Variants in CDKAL1 observed in about 807,000 individuals in gnomAD.
CDKAL1 encodes the protein CDKAL1 threonylcarbamoyladenosine tRNA methylthiotransferase.
A neutral mutation model predicts 68.2 loss-of-function variants in CDKAL1; 32 were observed. That is an observed-to-expected ratio of 0.47 (90% CI 0.35 to 0.63). The LOEUF (loss-of-function observed/expected upper bound fraction) is 0.63, where lower values mean the gene tolerates loss of function less well. Among genes scored for constraint, CDKAL1 ranks in the 30% least tolerant of loss-of-function variants. The probability of loss-of-function intolerance (pLI) is 0.00; values close to 1 mark genes in which losing one functional copy is unlikely to be tolerated. For missense variants in CDKAL1, 606 were observed against 696.7 expected (o/e 0.87, Z 1.47); for synonymous variants, 234 against 244.3 (o/e 0.96, Z 0.39).
At chr6:21,033,576 G>A (rs1273744125) in intron 11 of CDKAL1, among the ~76,000 whole-genome samples, 1 of 152,128 alleles carries the variant, frequency 6.6e-6, no homozygotes, top group East Asian at 1.9e-4. Context: ...ATATGGAATA[G>A]TTTCCAAATC....
At chr6:20,672,176 TTC>T (rs1366345221) in intron 5 of CDKAL1, among the ~76,000 whole-genome samples, 2 of 148,370 alleles carry the variant, frequency 1.3e-5, no homozygotes, top group African/African-American at 5.0e-5. Flanking sequence ...CTCCCTCTCT[TTC>T]TCTTTCTCTC....
At chr6:21,155,624 G>A (rs1175364950) in intron 13 of CDKAL1, among the ~76,000 whole-genome samples, 4 of 152,182 alleles carry the variant, frequency 2.6e-5, no homozygotes, top group African/African-American at 4.8e-5. Flanking sequence ...TGCCTAGCAC[G>A]TATAGAAGGT....
chr6:20,736,566 C>T (rs192005906), intron 5 of CDKAL1, among the ~76,000 whole-genome samples: 2,774 of 152,086 alleles, frequency 0.018, 68 homozygotes, highest in African/African-American at 0.061. Context: ...GTCAGGAGAT[C>T]GAGACCATCC....
chr6:21,133,700 C>A (rs1775439091), intron 13 of CDKAL1, among the ~76,000 whole-genome samples: 1 of 152,166 alleles, frequency 6.6e-6, no homozygotes, highest in South Asian at 2.1e-4. Context: ...ATTCATTCAT[C>A]TTGCAAAACA....
At chr6:21,104,227 G>A (rs1773730825) in intron 12 of CDKAL1, among the ~76,000 whole-genome samples, 2 of 152,140 alleles carry the variant, frequency 1.3e-5, no homozygotes, top group South Asian at 4.1e-4. Flanking sequence ...AAGCACTGAG[G>A]AAATATCCTG....
At chr6:20,635,537 G>A (rs2127745701) in intron 4 of CDKAL1, among the ~76,000 whole-genome samples, 1 of 152,160 alleles carries the variant, frequency 6.6e-6, no homozygotes, top group South Asian at 2.1e-4. Flanking sequence ...CTTACTGGTT[G>A]AGCGTCCCTA....
intron 8 of CDKAL1, among the ~76,000 whole-genome samples, chr6:20,794,451 A>C (rs4492184): frequency 0.43 from 65,274 of 151,852 alleles, 14,160 homozygotes; most frequent in South Asian, 0.44. Flanking sequence ...TGATCTGAAG[A>C]CTTTTTTTGT....
intron 8 of CDKAL1, among the ~76,000 whole-genome samples, chr6:20,814,346 TTG>T (rs1776952024): frequency 6.6e-6 from 1 of 152,242 alleles, no homozygotes; most frequent in Non-Finnish European, 1.5e-5. Flanking sequence ...GATAGTCATG[TTG>T]TCTGTGAATA....
At chr6:20,987,262 CTTTT>C (rs1392710913) in intron 10 of CDKAL1, among the ~76,000 whole-genome samples, 2 of 135,896 alleles carry the variant, frequency 1.5e-5, no homozygotes, top group Non-Finnish European at 3.2e-5. Context: ...TGTCTGGAAA[CTTTT>C]TTTTTTTTTT....
intron 5 of CDKAL1, among the ~76,000 whole-genome samples, chr6:20,657,690 T>A (rs533027173): frequency 7.9e-5 from 12 of 152,168 alleles, no homozygotes; most frequent in Non-Finnish European, 1.6e-4. Flanking sequence ...ACTGAATTAT[T>A]TTGTCGTTTG....
chr6:20,903,908 G>A (rs1051616252), intron 9 of CDKAL1, among the ~76,000 whole-genome samples: 2 of 152,150 alleles, frequency 1.3e-5, no homozygotes, highest in African/African-American at 4.8e-5. Flanking sequence ...TAACTGTTTT[G>A]GAACTCTGAA....
At chr6:20,543,054 T>G (rs1763450394) in intron 2 of CDKAL1, among the ~76,000 whole-genome samples, 1 of 152,250 alleles carries the variant, frequency 6.6e-6, no homozygotes, top group African/African-American at 2.4e-5. Flanking sequence ...CACACTTTGT[T>G]TAACCATTCA....
intron 13 of CDKAL1, among the ~76,000 whole-genome samples, chr6:21,166,859 T>A (rs999444895): frequency 2.6e-5 from 4 of 152,210 alleles, no homozygotes; most frequent in African/African-American, 9.6e-5. Flanking sequence ...CCTATTCATA[T>A]CTACATCAGT....
At chr6:20,820,714 T>A (rs1313083833) in intron 8 of CDKAL1, among the ~76,000 whole-genome samples, 2 of 152,102 alleles carry the variant, frequency 1.3e-5, no homozygotes, top group Non-Finnish European at 2.9e-5. Context: ...GATTCCTCTT[T>A]TATAAGGTAG....
At chr6:21,088,684 G>A (rs543625096) in intron 12 of CDKAL1, among the ~76,000 whole-genome samples, 4 of 152,304 alleles carry the variant, frequency 2.6e-5, no homozygotes, top group Non-Finnish European at 5.9e-5. Flanking sequence ...ACTCACACCT[G>A]TAATCCCAGC....
intron 5 of CDKAL1, among the ~76,000 whole-genome samples, chr6:20,674,991 T>C (rs1316749403): frequency 6.6e-6 from 1 of 152,160 alleles, no homozygotes; most frequent in African/African-American, 2.4e-5. Flanking sequence ...TCCTCTTACA[T>C]CTATTAATAT....
chr6:20,850,924 A>T (rs973963032), intron 9 of CDKAL1, among the ~76,000 whole-genome samples: 9 of 152,212 alleles, frequency 5.9e-5, no homozygotes, highest in African/African-American at 2.2e-4. Context: ...AGAGCTCATT[A>T]ACTTTTGAAT....
chr6:21,154,331 A>G (rs184325051), intron 13 of CDKAL1, among the ~76,000 whole-genome samples: 29 of 152,346 alleles, frequency 1.9e-4, no homozygotes, highest in Non-Finnish European at 3.5e-4. Flanking sequence ...AAGTTGGCCC[A>G]GTACCCCTAA....
intron 5 of CDKAL1, among the ~76,000 whole-genome samples, chr6:20,712,623 T>C (rs1159618259): frequency 2.0e-5 from 3 of 151,918 alleles, no homozygotes; most frequent in Non-Finnish European, 4.4e-5. Flanking sequence ...TTCAAAATGA[T>C]TGTTGTTTTT....
Sources: gnomAD v4.1 joint callset for allele counts (sites outside exome capture counted in the v4.1 genomes callset) on GRCh38, gnomAD v4.1.1 for gene constraint, MANE v1.5 for transcripts, NCBI Gene and HGNC (gene_info 2026-07-23, HGNC 2026-07-21) for gene names.